Variants in DAB1 observed in about 807,000 individuals in gnomAD.
DAB1 encodes the protein DAB adaptor protein 1, also known as disabled homolog 1.
Under a neutral mutation model 64.6 loss-of-function variants are expected in DAB1, and 15 were observed. The observed-to-expected ratio is 0.23, with a 90% CI of 0.16 to 0.36. The LOEUF (loss-of-function observed/expected upper bound fraction) is 0.36. DAB1 is among the 10% of genes least tolerant of loss of function. The pLI is 1.00. For missense variants in DAB1, 596 were observed against 706.7 expected (o/e 0.84, Z 1.78); for synonymous variants, 235 against 251.9 (o/e 0.93, Z 0.64).
At chr1:57,520,677 A>G (rs1452984586) in intron 7 of DAB1, among the ~76,000 whole-genome samples, 2 of 152,024 alleles carry the variant, frequency 1.3e-5, no homozygotes, top group Non-Finnish European at 2.9e-5. Context: ...CTTTTTTTGT[A>G]TATATTCAGG....
At chr1:57,719,350 G>A (rs74075846) in intron 6 of DAB1, among the ~76,000 whole-genome samples, 2,594 of 152,244 alleles carry the variant, frequency 0.017, 65 homozygotes, top group African/African-American at 0.053. Flanking sequence ...GGGTTTGTAC[G>A]TTTAAAAGAG....
At chr1:57,937,453 G>A (rs1645042651) in intron 5 of DAB1, among the ~76,000 whole-genome samples, 1 of 152,118 alleles carries the variant, frequency 6.6e-6, no homozygotes, top group African/African-American at 2.4e-5. Context: ...AATAGGCCAT[G>A]GGAATCTAGA....
At chr1:57,106,816 C>G (rs564193648) in intron 4 of DAB1, among the ~76,000 whole-genome samples, 1 of 152,070 alleles carries the variant, frequency 6.6e-6, no homozygotes, top group Admixed American at 6.6e-5. Context: ...CTGTGCTTGC[C>G]CTCAAGACTC....
chr1:57,796,022 A>C (rs1359425175), intron 6 of DAB1, among the ~76,000 whole-genome samples: 4 of 151,910 alleles, frequency 2.6e-5, no homozygotes, highest in African/African-American at 9.7e-5. Context: ...CGCTGTGGTA[A>C]ATTTAACTCA....
At chr1:57,521,992 C>A (rs1644532546) in intron 7 of DAB1, among the ~76,000 whole-genome samples, 1 of 152,120 alleles carries the variant, frequency 6.6e-6, no homozygotes, top group African/African-American at 2.4e-5. Flanking sequence ...TGCCTATAAT[C>A]CCAGCTACTT....
intron 6 of DAB1, among the ~76,000 whole-genome samples, chr1:57,787,228 C>A (rs1163659580): frequency 6.6e-6 from 1 of 151,964 alleles, no homozygotes; most frequent in Non-Finnish European, 1.5e-5. Flanking sequence ...AACAGAAGAA[C>A]AAAATTGTAG....
chr1:57,493,548 A>C (rs749150204), intron 7 of DAB1, among the ~76,000 whole-genome samples: 1 of 152,218 alleles, frequency 6.6e-6, no homozygotes, highest in Non-Finnish European at 1.5e-5. Context: ...AGATGAATAC[A>C]TAGTTGCTTC....
chr1:57,282,202 A>AAAAC (rs1671965476), intron 2 of DAB1, among the ~76,000 whole-genome samples: 1 of 103,072 alleles, frequency 9.7e-6, no homozygotes, highest in Non-Finnish European at 2.0e-5. Context: ...AAAAAAAAAA[A>AAAAC]AAAAAAAAAA....
intron 5 of DAB1, among the ~76,000 whole-genome samples, chr1:58,085,941 T>A (rs1650272439): frequency 6.7e-6 from 1 of 149,086 alleles, no homozygotes; most frequent in Admixed American, 6.7e-5. Context: ...TGGGATGCTG[T>A]GGGCTGATCT....
intron 6 of DAB1, among the ~76,000 whole-genome samples, chr1:57,724,602 T>G (rs80036933): frequency 6.6e-6 from 1 of 152,302 alleles, no homozygotes; most frequent in African/African-American, 2.4e-5. Flanking sequence ...TGGGAAATAG[T>G]CATGTTACAA....
intron 3 of DAB1, among the ~76,000 whole-genome samples, chr1:58,435,295 G>T (rs1036399769): frequency 7.9e-5 from 12 of 152,090 alleles, no homozygotes; most frequent in Admixed American, 4.6e-4. Context: ...CTCTATGACT[G>T]GCTTATCTTT....
chr1:57,287,322 ACC>A (rs1672396816), intron 2 of DAB1, among the ~76,000 whole-genome samples: 1 of 152,150 alleles, frequency 6.6e-6, no homozygotes, highest in Non-Finnish European at 1.5e-5. Context: ...CGATCCACCC[ACC>A]TTAGCCTCCC....
At chr1:57,407,825 A>G (rs1683778733) in intron 1 of DAB1, among the ~76,000 whole-genome samples, 1 of 151,520 alleles carries the variant, frequency 6.6e-6, no homozygotes, top group Non-Finnish European at 1.5e-5. Flanking sequence ...CATATATGAA[A>G]TACTTGACAA....
chr1:57,305,586 T>C (rs1032381247), intron 1 of DAB1, among the ~76,000 whole-genome samples: 1 of 152,174 alleles, frequency 6.6e-6, no homozygotes, highest in Non-Finnish European at 1.5e-5. Flanking sequence ...GAATTTCCTA[T>C]CACAGCCTAT....
At chr1:57,440,995 GT>G (rs1685920333) in intron 7 of DAB1, among the ~76,000 whole-genome samples, 1 of 152,104 alleles carries the variant, frequency 6.6e-6, no homozygotes, top group Admixed American at 6.5e-5. Context: ...GACCCAATAA[GT>G]GGCTTATTAA....
chr1:58,433,081 C>T (rs1644897179), intron 3 of DAB1, among the ~76,000 whole-genome samples: 1 of 152,220 alleles, frequency 6.6e-6, no homozygotes, highest in Non-Finnish European at 1.5e-5. Flanking sequence ...GAAAGCAGAG[C>T]TTGAGCAGCC....
intron 7 of DAB1, among the ~76,000 whole-genome samples, chr1:57,593,941 GT>G (rs1283040477): frequency 1.3e-5 from 2 of 152,180 alleles, no homozygotes; most frequent in African/African-American, 2.4e-5. Context: ...AATCATTATG[GT>G]TACGGAGAAA....
chr1:57,542,455 G>A (rs981036321), intron 7 of DAB1, among the ~76,000 whole-genome samples: 7 of 149,702 alleles, frequency 4.7e-5, no homozygotes, highest in Non-Finnish European at 5.9e-5. Context: ...ATGGTTGAAA[G>A]CATAAGGTCT....
chr1:57,654,998 C>A (rs1375230592), intron 6 of DAB1, among the ~76,000 whole-genome samples: 1 of 152,180 alleles, frequency 6.6e-6, no homozygotes, highest in East Asian at 1.9e-4. Flanking sequence ...CCATTTATTT[C>A]TCATTTCATC....
Sources: allele counts gnomAD v4.1 joint callset (sites outside exome capture counted in the v4.1 genomes callset), GRCh38; gene constraint gnomAD v4.1.1; transcripts MANE v1.5; gene names NCBI Gene and HGNC (gene_info 2026-07-23, HGNC 2026-07-21).